Variants in INTS6 observed in about 807,000 individuals in gnomAD.
The protein encoded by INTS6 is DEAD box protein.
Under a neutral mutation model 104.9 loss-of-function variants are expected in INTS6, and 16 were observed. The ratio of observed to expected loss-of-function variants is 0.15; its 90% CI spans 0.10 to 0.23. The LOEUF is 0.23. Ranked by LOEUF, INTS6 falls within the 10% of genes least tolerant of loss-of-function variation. The probability of loss-of-function intolerance (pLI) is 1.00; values close to 1 mark genes in which losing one functional copy is unlikely to be tolerated. For missense variants in INTS6, 584 were observed against 1,062.8 expected (o/e 0.55, Z 6.26); for synonymous variants, 324 against 358.7 (o/e 0.90, Z 1.09).
At chr13:51,361,342 C>G (rs1455087715), downstream of INTS6, 24 of 1,608,872 alleles carry the variant, frequency 1.5e-5, no homozygotes, top group Non-Finnish European at 2.0e-5. Flanking sequence ...TGGAGGAAGG[C>G]ACCAAGGCAT....
chr13:51,424,438 T>C (rs1468692117), intron 4 of INTS6, among the ~76,000 whole-genome samples: 2 of 152,014 alleles, frequency 1.3e-5, no homozygotes, highest in Non-Finnish European at 2.9e-5. Context: ...TATATTAAAT[T>C]GAAATATTTC....
At chr13:51,446,451 T>G (rs1952920440) in intron 3 of INTS6, 1 of 152,226 alleles carries the variant, frequency 6.6e-6, no homozygotes, top group Admixed American at 6.5e-5. Context: ...CGTGCACTGT[T>G]GGTAGGAACG....
chr13:51,377,810 C>T (rs1955963740), intron 12 of INTS6, among the ~76,000 whole-genome samples: 1 of 152,036 alleles, frequency 6.6e-6, no homozygotes, highest in African/African-American at 2.4e-5. Context: ...TTTACATTTC[C>T]ATATAAATTT....
At chr13:51,345,561 C>A in the INTS6 span, among the ~76,000 whole-genome samples, 7 of 134,122 alleles carry the variant, frequency 5.2e-5, no homozygotes, top group Admixed American at 4.8e-4. Context: ...CGTCACTGCA[C>A]TCCAGCTTGG....
Position 51,369,173 on chromosome 13 carries a change from G to A in INTS6, c.2242C>T (p.Pro748Ser). ...CCAAGAGCCTCCATATGATTGGTTG[G>A]CCGTTCCAGTAAACTGGCTGGAGAA... ...ASSPASLLER[P>S]TNHMEALGHD... The change falls in exon 16 of 18, where the codon CCA becomes TCA. Residue 748 changes from proline to serine, a missense_variant. Physicochemically the swap from Pro to Ser is moderately conservative, Grantham distance 74 (BLOSUM62 -1). This residue lies in a region of INTS6 where 296 missense variants were observed against 437.0 expected (regional missense o/e 0.68). Coordinates refer to ENST00000311234, the MANE Select transcript of INTS6 (RefSeq NM_012141.3). 6.2e-7 allele frequency: 1 copy of A among 1,613,858 alleles called. No individual in the cohort carries two copies. The highest frequency in any genetic ancestry group is 8.5e-7 in the Non-Finnish European group (1 of 1,179,840).
chr13:51,374,832 C>T (rs776979410), intron 13 of INTS6, 36 bp from the exon 14 acceptor site: 2 of 1,604,596 alleles, frequency 1.2e-6, no homozygotes, highest in Non-Finnish European at 1.7e-6. Flanking sequence ...AAAAGTTAAC[C>T]TCCAATTAGT....
At chr13:51,432,271 T>A (rs1005473324) in intron 3 of INTS6, among the ~76,000 whole-genome samples, 2 of 152,176 alleles carry the variant, frequency 1.3e-5, no homozygotes, top group African/African-American at 4.8e-5. Context: ...AGTGGTTCCA[T>A]GGAGCACAAT....
In INTS6 at chr13:51,430,284, C is replaced by T. The variant is rs1452588436; in HGVS notation, c.429+10G>A. ...ATTTGCATAATCCATGTAATATAAG[C>T]ACAACTTACCTCATCCTGGACTCCA... On this transcript the variant is annotated intron_variant, in intron 4 of 17. Coordinates refer to ENST00000311234, the MANE Select transcript of INTS6 (RefSeq NM_012141.3). 1 of 1,609,992 alleles carries T rather than the reference C, an allele frequency of 6.2e-7. No individual in the cohort carries two copies. The highest frequency in any genetic ancestry group is 2.2e-5 in the East Asian group (1 of 44,814).
chr13:51,369,038 G>C lies in INTS6; in HGVS notation c.2377C>G (p.Leu793Val). 5 of 1,613,758 alleles carry C rather than the reference G, an allele frequency of 3.1e-6. No homozygotes were observed. Among genetic ancestry groups the C allele is most frequent in the Non-Finnish European group, 4.2e-6 (5 of 1,179,822 alleles). The change falls in exon 16 of 18, where the codon CTC (leucine) becomes GTC (valine). Residue 793 changes from leucine to valine, a missense_variant. Coordinates refer to ENST00000311234, the MANE Select transcript of INTS6 (RefSeq NM_012141.3). The part of the protein sequence containing the change: ...CAEENIPASS[L>V]NKGKKLMHCR... ...TGCATCAATTTCTTTCCTTTGTTGA[G>C]TGAAGATGCTGGTATGTTCTCTTCA...
At chr13:51,367,727 G>A (rs1364249822) in intron 17 of INTS6, 78 bp downstream of exon 17, 2 of 741,574 alleles carry the variant, frequency 2.7e-6, no homozygotes, top group Non-Finnish European at 4.5e-6. Flanking sequence ...AGTGCAAAAC[G>A]GATACTATTA....
chr13:51,370,640 G>C (rs1404574838), intron 15 of INTS6, among the ~76,000 whole-genome samples: 2 of 152,174 alleles, frequency 1.3e-5, no homozygotes, highest in Non-Finnish European at 2.9e-5. Flanking sequence ...GTCCAATGGT[G>C]GTGGGCTGGA....
At chr13:51,348,277 A>G in the INTS6 span, 1 of 1,610,776 alleles carries the variant, frequency 6.2e-7, no homozygotes, top group Non-Finnish European at 8.5e-7. Context: ...TGGGAAGTGC[A>G]GTGAGTCTGT....
In INTS6 at chr13:51,361,712, G is replaced by A; in HGVS notation, c.*4040C>T. On this transcript the variant is annotated 3_prime_UTR_variant, in exon 18 of 18. Transcript: ENST00000311234. ...GTAAACAATCAAATGCCATTAGGAT[G>A]CTTTGATTTCTTAAAAAATTAACTT... The A allele has an allele frequency of 9.5e-7, 1 of 1,055,678 alleles. No homozygotes were observed. The highest frequency in any genetic ancestry group is 1.6e-5 in the African/African-American group (1 of 62,140). The allele number at this position is 1,055,678 out of a possible 1,614,324, so 65.4% of individuals were successfully genotyped here.
At chr13:51,437,063 GTAA>G (rs1446387054) in intron 3 of INTS6, 1 of 151,976 alleles carries the variant, frequency 6.6e-6, no homozygotes, top group Non-Finnish European at 1.5e-5. Context: ...GATAAACTGG[GTAA>G]TAATAACTTG....
the INTS6 span, chr13:51,341,293 G>A: frequency 2.4e-5 from 39 of 1,613,308 alleles, no homozygotes; most frequent in Non-Finnish European, 3.3e-5. Flanking sequence ...GCAGTTTGGA[G>A]CAGAAGGGAG....
chr13:51,366,489 A>C (rs1211634958), intron 17 of INTS6, among the ~76,000 whole-genome samples: 4 of 152,026 alleles, frequency 2.6e-5, no homozygotes, highest in Admixed American at 2.6e-4. Flanking sequence ...TGACGGTTTT[A>C]AGAATATCCC....
intron 3 of INTS6, 200 bp downstream of exon 3, chr13:51,450,825 A>C (rs1338325762): frequency 1.7e-6 from 2 of 1,200,780 alleles, no homozygotes; most frequent in African/African-American, 3.1e-5. Flanking sequence ...CTGAATACCA[A>C]TGCATTTTAG....
rs1269032412 is a variant in INTS6 at position 51,452,535 on chromosome 13, C to T, written c.-10G>A. On this transcript the variant is annotated 5_prime_UTR_variant, in exon 1 of 18. Transcript: ENST00000311234. The surrounding 1 kb of genome is among the most constrained non-coding windows in gnomAD (Gnocchi z 4.2). ...ACAGTAAGATGGGCATAGTGCTGGC[C>T]GGGGACACCGGGGCCCGAGGTGGTG... 1 of 1,609,178 alleles carries T rather than the reference C, an allele frequency of 6.2e-7. No individual in the cohort carries two copies. The highest frequency in any genetic ancestry group is 1.3e-5 in the African/African-American group (1 of 74,702).
the INTS6 span, among the ~76,000 whole-genome samples, chr13:51,342,373 C>T: frequency 3.9e-5 from 6 of 152,166 alleles, no homozygotes; most frequent in East Asian, 5.8e-4. Context: ...GGCCTCTGCT[C>T]GCTCATATAT....
Sources: gnomAD v4.1 joint callset for allele counts (sites outside exome capture counted in the v4.1 genomes callset) on GRCh38, gnomAD v4.1.1 for gene constraint, gnomAD v4.1.1 regional missense constraint, Gnocchi (gnomAD v3.1) non-coding constraint, MANE v1.5 for transcripts, NCBI Gene and HGNC (gene_info 2026-07-23, HGNC 2026-07-21) for gene names.